The following DLC1 variants were observed in gnomAD, a reference collection of about 807,000 sequenced individuals.
DLC1 encodes the protein DLC1 Rho GTPase activating protein.
In DLC1, 54 loss-of-function variants were observed where a neutral mutation model predicts 140.3. The ratio of observed to expected loss-of-function variants is 0.38; its 90% confidence interval spans 0.31 to 0.48. The LOEUF (loss-of-function observed/expected upper bound fraction) is 0.48. DLC1 is among the 20% of genes least tolerant of loss of function. DLC1 has a pLI of 0.96. For synonymous variants in DLC1, 986 were observed against 728.1 expected (o/e 1.35, Z -5.70); for missense variants, 2,536 against 1,907.0 (o/e 1.33, Z -6.14).
At position 13,085,372 on chromosome 8, in the gene DLC1, T is replaced by C. The variant is rs1442715302; in HGVS notation, c.*439A>G. 6.4e-6 allele frequency: 1 copy of C among 156,280 alleles called. No individual in the cohort carries two copies. Among genetic ancestry groups the C allele is most frequent in the African/African-American group, 2.4e-5 (1 of 41,466 alleles). The allele number at this position is 156,280 out of a possible 1,614,324, so 9.7% of individuals were successfully genotyped here. ...ACATTCACACTCCTCTGTGCAAACC[T>C]TTCTTTGCTCATCTTGGTGAGAAAA... On this transcript the variant is annotated 3_prime_UTR_variant, in exon 18 of 18. Transcript: ENST00000276297.
chr8:13,570,027 C>A (rs1804591032), intron 1 of DLC1, among the ~76,000 whole-genome samples: 1 of 152,330 alleles, frequency 6.6e-6, no homozygotes, highest in Non-Finnish European at 1.5e-5. Context: ...TGCCCAGGAG[C>A]CCAGAATTAT....
intron 5 of DLC1, among the ~76,000 whole-genome samples, chr8:13,213,027 G>C (rs986905547): frequency 1.3e-5 from 2 of 152,168 alleles, no homozygotes; most frequent in African/African-American, 4.8e-5. Context: ...ATTTCAAAAA[G>C]AGATGTTGAA....
At chr8:13,440,405 G>A (rs906097634) in intron 2 of DLC1, among the ~76,000 whole-genome samples, 1 of 152,100 alleles carries the variant, frequency 6.6e-6, no homozygotes, top group African/African-American at 2.4e-5. Flanking sequence ...CATAGAGTTT[G>A]CGTATAAAAA....
intron 5 of DLC1, among the ~76,000 whole-genome samples, chr8:13,171,564 A>G (rs1212442871): frequency 1.3e-5 from 2 of 151,570 alleles, no homozygotes; most frequent in Non-Finnish European, 2.9e-5. Flanking sequence ...CTAATTTTTT[A>G]TTTTCTTTTT....
At chr8:13,396,141 G>A (rs1293027360) in intron 3 of DLC1, among the ~76,000 whole-genome samples, 1 of 145,156 alleles carries the variant, frequency 6.9e-6, no homozygotes, top group Non-Finnish European at 1.5e-5. Flanking sequence ...CTCACTGCAA[G>A]CTCCGCCTCC....
At position 13,099,703 on chromosome 8, in the gene DLC1, G is replaced by T. The variant is rs1585612882; in HGVS notation, c.2634C>A (p.Ile878=). 22 of 1,614,058 alleles carry T rather than the reference G, an allele frequency of 1.4e-5. No individual in the cohort carries two copies. The East Asian group carries it at 4.9e-4, about 36-fold the overall frequency. Residue 878 remains isoleucine, a synonymous_variant, in exon 9 of 18, where the codon ATC becomes ATA. Transcript: ENST00000276297. ...GGATGGAGCCCGGCACGTTGTCGTAGATGCTCAGGCGGCTGCTCATGGAGC... is the reference window on the plus strand; with the variant it reads ...GGATGGAGCCCGGCACGTTGTCGTATATGCTCAGGCGGCTGCTCATGGAGC... ...SSSSMSSRLS[I]YDNVPGSILY...
rs536781398 is a variant in DLC1, at chr8:13,410,552, T to TA, written c.1024-8934dup. On this transcript the variant is annotated intron_variant, in intron 2 of 17. Coordinates refer to ENST00000276297, the MANE Select transcript of DLC1 (RefSeq NM_182643.3). ...CTCTTGTCCTCTCCCGTTAATCATT[T>TA]AAAAAATGGAATAGGAGGAAAAACC... 2.4e-3 allele frequency among the ~76,000 whole-genome samples: 359 copies of TA among 151,656 alleles called. 2 individuals carry two copies. The highest frequency in any genetic ancestry group is 8.5e-3 in the African/African-American group (351 of 41,278).
intron 2 of DLC1, among the ~76,000 whole-genome samples, chr8:13,426,903 G>A (rs1838611754): frequency 6.6e-6 from 1 of 152,036 alleles, no homozygotes; most frequent in South Asian, 2.1e-4. Flanking sequence ...ATGCTCTACT[G>A]GAAAAATTTG....
rs75921537 is a variant in DLC1 at position 13,244,016 on chromosome 8, C to A, written c.1348+61253G>T. ...TAGGAAATTCCTCACCTGGGGGAAC[C>A]ACCATTCCTTCAAGCACCCAAGGTA... On this transcript the variant is annotated intron_variant, in intron 5 of 17. Coordinates refer to ENST00000276297, the MANE Select transcript of DLC1 (RefSeq NM_182643.3). Among the ~76,000 whole-genome samples the A allele has an allele frequency of 2.1e-3, 315 of 152,330 alleles. 2 individuals carry two copies. The highest frequency in any genetic ancestry group is 7.1e-3 in the African/African-American group (297 of 41,590).
chr8:13,542,339 G>C (rs1230387868), intron 1 of DLC1, among the ~76,000 whole-genome samples: 3 of 152,146 alleles, frequency 2.0e-5, no homozygotes, highest in Admixed American at 6.5e-5. Flanking sequence ...TTTGCATTTT[G>C]CTGACATTAA....
intron 2 of DLC1, among the ~76,000 whole-genome samples, chr8:13,416,550 C>G (rs965404920): frequency 6.6e-6 from 1 of 152,096 alleles, no homozygotes; most frequent in Non-Finnish European, 1.5e-5. Flanking sequence ...GAGAGATTCC[C>G]ACCTATTCTG....
chr8:13,461,290 C>T (rs1308704097), intron 2 of DLC1, among the ~76,000 whole-genome samples: 1 of 152,222 alleles, frequency 6.6e-6, no homozygotes, highest in Non-Finnish European at 1.5e-5. Context: ...GTATCCCATA[C>T]CAATGTGTCT....
intron 5 of DLC1, among the ~76,000 whole-genome samples, chr8:13,125,109 T>C (rs1161419528): frequency 6.6e-6 from 1 of 152,126 alleles, no homozygotes; most frequent in Non-Finnish European, 1.5e-5. Context: ...TCCAAGTAGC[T>C]GGGATTACAG....
In DLC1 at chr8:13,198,025, T is replaced by C. The variant is rs1827166545; in HGVS notation, c.1349-82368A>G. 2.0e-5 allele frequency among the ~76,000 whole-genome samples: 3 copies of C among 151,714 alleles called. No individual in the cohort carries two copies. In the South Asian group the frequency reaches 6.3e-4, roughly 32 times the overall value. Reference sequence around the variant, plus strand: ...ACTTTGGAAGGCAGAAACCGGCTGATAGGTTGAGCCTAGGAGCTCAAAGTT... The same window carrying C: ...ACTTTGGAAGGCAGAAACCGGCTGACAGGTTGAGCCTAGGAGCTCAAAGTT... On this transcript the variant is annotated intron_variant, in intron 5 of 17. Coordinates refer to ENST00000276297, the MANE Select transcript of DLC1 (RefSeq NM_182643.3).
intron 2 of DLC1, among the ~76,000 whole-genome samples, chr8:13,484,488 G>C (rs1247678309): frequency 6.6e-6 from 1 of 152,018 alleles, no homozygotes; most frequent in Non-Finnish European, 1.5e-5. Context: ...ATTCTCTTTA[G>C]TTTTTGGAGC....
At chr8:13,345,547 CTTTTTTTTT>C (rs535092622) in intron 4 of DLC1, among the ~76,000 whole-genome samples, 1 of 67,510 alleles carries the variant, frequency 1.5e-5, no homozygotes. Context: ...TTCACTCACA[CTTTTTTTTT>C]TTTTTTTTTT....
At chr8:13,464,746 T>TTATATATATATATATATATTTATATA (rs71207154) in intron 2 of DLC1, among the ~76,000 whole-genome samples, 3 of 130,928 alleles carry the variant, frequency 2.3e-5, no homozygotes, top group African/African-American at 8.2e-5. Flanking sequence ...GAATTTTAAA[T>TTATATATATATATATATATTTATATA]TATATATATA....
intron 1 of DLC1, among the ~76,000 whole-genome samples, chr8:13,522,554 G>A (rs912781090): frequency 2.0e-5 from 3 of 152,228 alleles, no homozygotes; most frequent in Admixed American, 6.5e-5. Flanking sequence ...GAACCCAGGA[G>A]ACAGAGGTTG....
chr8:13,177,429 TTA>T (rs1825812656), intron 5 of DLC1, among the ~76,000 whole-genome samples: 1 of 152,234 alleles, frequency 6.6e-6, no homozygotes, highest in Non-Finnish European at 1.5e-5. Context: ...AAAAGAACCC[TTA>T]TGTTATTTAA....
Sources: gnomAD v4.1 joint callset for allele counts (sites outside exome capture counted in the v4.1 genomes callset) on GRCh38, gnomAD v4.1.1 for gene constraint, MANE v1.5 for transcripts, NCBI Gene and HGNC (gene_info 2026-07-23, HGNC 2026-07-21) for gene names.